Variants in CCDC7 observed in about 807,000 individuals in gnomAD.
The protein encoded by CCDC7 is coiled-coil domain containing 7, also known as coiled-coil domain-containing protein 7.
In CCDC7, 183 loss-of-function variants were observed where a neutral mutation model predicts 196.9. The ratio of observed to expected loss-of-function variants is 0.93; its 90% CI spans 0.82 to 1.05. The LOEUF is 1.05. CCDC7 is among the 50% of genes least tolerant of loss of function. CCDC7 has a pLI of 0.00. For synonymous variants in CCDC7, 525 were observed against 484.6 expected, an observed-to-expected ratio of 1.08 and a Z score of -1.10; for missense variants, 1,540 against 1,482.2, an observed-to-expected ratio of 1.04 and a Z score of -0.64.
chr10:32,577,970 T>G (rs1212137979), intron 16 of CCDC7, among the ~76,000 whole-genome samples: 3 of 152,162 alleles, frequency 2.0e-5, no homozygotes, highest in Non-Finnish European at 4.4e-5. Context: ...CATCCAAAGA[T>G]GTAGGAAATG....
chr10:32,481,967 A>T (rs532667488), intron 8 of CCDC7, among the ~76,000 whole-genome samples: 20 of 152,214 alleles, frequency 1.3e-4, no homozygotes, highest in African/African-American at 4.8e-4. Flanking sequence ...GTTTGGTTAT[A>T]ATACATTTTG....
chr10:32,637,864 A>G (rs902112380), intron 20 of CCDC7, among the ~76,000 whole-genome samples: 5 of 152,220 alleles, frequency 3.3e-5, no homozygotes, highest in Admixed American at 6.5e-5. Flanking sequence ...TCCCATGAGC[A>G]TGGAATGTTC....
At chr10:32,702,946 T>C (rs1377691312) in intron 24 of CCDC7, among the ~76,000 whole-genome samples, 2 of 152,208 alleles carry the variant, frequency 1.3e-5, no homozygotes, top group Non-Finnish European at 2.9e-5. Context: ...TACAGCACAC[T>C]GATGGGTCTT....
At chr10:32,531,764 A>G (rs911522562) in intron 11 of CCDC7, among the ~76,000 whole-genome samples, 6 of 152,056 alleles carry the variant, frequency 3.9e-5, no homozygotes, top group African/African-American at 1.4e-4. Context: ...CTATTTCTCC[A>G]TGGTTCAATC....
At chr10:32,753,836 G>GA (rs1439716199) in intron 28 of CCDC7, among the ~76,000 whole-genome samples, 2 of 151,842 alleles carry the variant, frequency 1.3e-5, no homozygotes, top group East Asian at 1.9e-4. Flanking sequence ...AAAATTGATT[G>GA]AAAAAATGAC....
At chr10:32,663,052 C>G (rs1361498136) in intron 20 of CCDC7, among the ~76,000 whole-genome samples, 1 of 151,960 alleles carries the variant, frequency 6.6e-6, no homozygotes, top group East Asian at 1.9e-4. Context: ...ATGTATGTAA[C>G]ACTTTCCCCC....
chr10:32,482,263 G>A (rs73251545), intron 8 of CCDC7, among the ~76,000 whole-genome samples: 7,849 of 151,826 alleles, frequency 0.052, 676 homozygotes, highest in African/African-American at 0.18. Flanking sequence ...ATATTGTGTC[G>A]TGGTGAAGTC....
chr10:32,671,312 A>G (rs748490474), intron 21 of CCDC7, among the ~76,000 whole-genome samples: 13 of 152,218 alleles, frequency 8.5e-5, no homozygotes, highest in South Asian at 6.2e-4. Flanking sequence ...GTTTAGATAT[A>G]CAAATATTTA....
chr10:32,578,293 C>T (rs1161829516), intron 16 of CCDC7, among the ~76,000 whole-genome samples: 4 of 151,996 alleles, frequency 2.6e-5, no homozygotes, highest in Admixed American at 1.3e-4. Context: ...GCCTTTTTAG[C>T]ACCAGGGACC....
intron 28 of CCDC7, among the ~76,000 whole-genome samples, chr10:32,775,605 G>A (rs1266696855): frequency 6.6e-6 from 1 of 152,116 alleles, no homozygotes. Context: ...CTAGATCATA[G>A]AGAGATACAT....
intron 34 of CCDC7, 62 bp from the exon 36 acceptor site, chr10:32,845,481 C>T (rs1225787243): frequency 7.8e-6 from 11 of 1,402,304 alleles, no homozygotes; most frequent in Non-Finnish European, 1.1e-5. Flanking sequence ...AACACAAAAA[C>T]ACACACAAGT....
intron 28 of CCDC7, among the ~76,000 whole-genome samples, chr10:32,766,582 G>A (rs1460611031): frequency 6.6e-6 from 1 of 152,024 alleles, no homozygotes; most frequent in Non-Finnish European, 1.5e-5. Context: ...TATCCTTTTT[G>A]TAAAACAGTT....
intron 18 of CCDC7, among the ~76,000 whole-genome samples, chr10:32,627,702 G>C (rs1475471571): frequency 6.7e-6 from 1 of 149,882 alleles, no homozygotes; most frequent in African/African-American, 2.5e-5. Flanking sequence ...AATTTGGTGA[G>C]AGTTTTTTTT....
chr10:32,823,925 A>G (rs920767680), intron 31 of CCDC7, among the ~76,000 whole-genome samples: 8 of 152,140 alleles, frequency 5.3e-5, no homozygotes, highest in Admixed American at 5.2e-4. Flanking sequence ...TTCACATTAC[A>G]TGCGTTATTT....
At chr10:32,458,482 CTTT>C (rs368681727) in intron 3 of CCDC7, among the ~76,000 whole-genome samples, 1 of 132,820 alleles carries the variant, frequency 7.5e-6, no homozygotes, top group African/African-American at 2.8e-5. Flanking sequence ...TGTGTGTGTG[CTTT>C]TTTTTTTTTT....
exon 26 of CCDC7, chr10:32,726,747 T>A (rs368264729): frequency 6.3e-7 from 1 of 1,589,862 alleles, no homozygotes; most frequent in Non-Finnish European, 8.6e-7. Context: ...CAGATAAAAA[T>A]TCTATGTTTG....
intron 29 of CCDC7, among the ~76,000 whole-genome samples, chr10:32,792,151 G>A (rs1254829121): frequency 1.3e-5 from 2 of 152,118 alleles, no homozygotes; most frequent in Non-Finnish European, 2.9e-5. Flanking sequence ...CAAACAAAAC[G>A]TGAGGGAATT....
At chr10:32,583,083 C>G (rs1288374271) in exon 17 of CCDC7, 11 of 1,231,252 alleles carry the variant, frequency 8.9e-6, no homozygotes, top group Non-Finnish European at 1.1e-5. Flanking sequence ...TTCACAGATC[C>G]TTAAGTCTCA....
At chr10:32,706,329 G>C (rs1367491368) in intron 24 of CCDC7, among the ~76,000 whole-genome samples, 2 of 152,018 alleles carry the variant, frequency 1.3e-5, no homozygotes, top group African/African-American at 4.8e-5. Context: ...AGTATGTAGA[G>C]GGAAATTTAT....
Sources: allele counts gnomAD v4.1 joint callset (sites outside exome capture counted in the v4.1 genomes callset), GRCh38; gene constraint gnomAD v4.1.1; transcripts MANE v1.5; gene names NCBI Gene and HGNC (gene_info 2026-07-23, HGNC 2026-07-21).